NTM: variants seen among roughly 807,000 people sequenced by gnomAD.
NTM encodes the protein IgLON family member 2.
NTM carries 13 observed loss-of-function variants against 42.1 expected under a neutral mutation model. The ratio of observed to expected loss-of-function variants is 0.31; its 90% CI spans 0.20 to 0.49. NTM has a LOEUF of 0.49. Ranked by LOEUF, NTM falls within the 20% of genes least tolerant of loss-of-function variation. The pLI is 0.99. For synonymous variants in NTM, 187 were observed against 179.2 expected (o/e 1.04, Z -0.35); for missense variants, 373 against 452.8 (o/e 0.82, Z 1.60).
At chr11:131,744,164 T>A (rs575257206) in intron 1 of NTM, among the ~76,000 whole-genome samples, 1 of 152,324 alleles carries the variant, frequency 6.6e-6, no homozygotes, top group South Asian at 2.1e-4. Context: ...TAATTATTCC[T>A]AATTTTAAGG....
chr11:132,031,421 A>G (rs926636078), intron 2 of NTM, among the ~76,000 whole-genome samples: 8 of 152,098 alleles, frequency 5.3e-5, no homozygotes, highest in Non-Finnish European at 1.2e-4. Context: ...ATGAGAGGGG[A>G]TAGTGGCTTT....
intron 3 of NTM, among the ~76,000 whole-genome samples, chr11:132,181,522 A>G (rs1003170777): frequency 3.3e-5 from 5 of 152,190 alleles, no homozygotes; most frequent in South Asian, 2.1e-4. Flanking sequence ...GTTTCAATCA[A>G]TGGGGATTGA....
intron 1 of NTM, among the ~76,000 whole-genome samples, chr11:131,684,722 C>T (rs1369135288): frequency 6.6e-6 from 1 of 152,214 alleles, no homozygotes; most frequent in Admixed American, 6.5e-5. Context: ...TCCTGCATTC[C>T]TAGAGAGCAG....
chr11:132,316,237 GA>G (rs1315617743), intron 7 of NTM, among the ~76,000 whole-genome samples: 1 of 152,060 alleles, frequency 6.6e-6, no homozygotes, highest in East Asian at 1.9e-4. Flanking sequence ...CTCAGGATGA[GA>G]ATAGGGAGAA....
intron 1 of NTM, among the ~76,000 whole-genome samples, chr11:131,870,786 C>T (rs976512749): frequency 2.6e-5 from 4 of 152,154 alleles, no homozygotes; most frequent in Non-Finnish European, 4.4e-5. Context: ...TAAGAAATAA[C>T]CCACATGTAC....
chr11:131,783,999 A>G (rs2088665633), intron 1 of NTM, among the ~76,000 whole-genome samples: 1 of 152,202 alleles, frequency 6.6e-6, no homozygotes, highest in African/African-American at 2.4e-5. Context: ...ACTTCACCAA[A>G]GGCCAATGAG....
chr11:132,168,108 T>C (rs2075559610), intron 3 of NTM, among the ~76,000 whole-genome samples: 3 of 152,222 alleles, frequency 2.0e-5, no homozygotes, highest in Admixed American at 2.0e-4. Flanking sequence ...ATTAATCAGT[T>C]GGTGGCAATT....
intron 1 of NTM, among the ~76,000 whole-genome samples, chr11:131,658,554 G>A (rs376157615): frequency 3.9e-5 from 6 of 152,150 alleles, no homozygotes; most frequent in Non-Finnish European, 7.3e-5. Context: ...AGACGAGGAC[G>A]GCATGCCTTG....
At chr11:131,989,945 T>C (rs1593457636) in intron 2 of NTM, among the ~76,000 whole-genome samples, 1 of 152,120 alleles carries the variant, frequency 6.6e-6, no homozygotes, top group African/African-American at 2.4e-5. Context: ...CTGATGTCAG[T>C]GGGGATAGTA....
At chr11:131,551,526 C>A (rs115137801) in intron 1 of NTM, among the ~76,000 whole-genome samples, 1,524 of 152,128 alleles carry the variant, frequency 0.01, 29 homozygotes, top group African/African-American at 0.035. Flanking sequence ...AGCCTTGCAG[C>A]TGAAAACCCA....
At chr11:131,802,275 G>A (rs1444499136) in intron 1 of NTM, among the ~76,000 whole-genome samples, 1 of 152,104 alleles carries the variant, frequency 6.6e-6, no homozygotes, top group East Asian at 1.9e-4. Flanking sequence ...CTTTTCTCTT[G>A]GATTCCTTTC....
rs549136459 is a variant in NTM at position 131,676,637 on chromosome 11, G to A, written c.83-234927G>A. On this transcript the variant is annotated intron_variant, in intron 1 of 8. Transcript: ENST00000683400. The stretch of plus-strand genomic sequence containing the variant: ...TAAATGTTTTAACATGGGCCTTCAG[G>A]CACCACAATTAGCCATTGGAGAGAC... 2.0e-5 allele frequency among the ~76,000 whole-genome samples: 3 copies of A among 152,300 alleles called. No individual in the cohort carries two copies. In the East Asian group the frequency reaches 5.8e-4, roughly 29 times the overall value.
intron 1 of NTM, among the ~76,000 whole-genome samples, chr11:131,850,120 A>G (rs2136803596): frequency 6.6e-6 from 1 of 151,826 alleles, no homozygotes; most frequent in Admixed American, 6.6e-5. Context: ...GTGTAGATGT[A>G]AACACTTAAT....
At chr11:131,788,548 G>T (rs1268980936) in intron 1 of NTM, among the ~76,000 whole-genome samples, 2 of 151,656 alleles carry the variant, frequency 1.3e-5, no homozygotes, top group African/African-American at 4.9e-5. Context: ...ATAGTCTTCC[G>T]TGCTGACACA....
chr11:131,869,635 G>A lies in NTM; in HGVS notation c.83-41929G>A, dbSNP rs2047573355. ...TCTCATTTTATTTTATTCTTAGGAG[G>A]ATGATAGACTTTTAGAAACAGAAGG... On this transcript the variant is annotated intron_variant, in intron 1 of 8. Transcript: ENST00000683400. Among the ~76,000 whole-genome samples, 3 of 152,176 alleles carry A rather than the reference G, an allele frequency of 2.0e-5. No individual in the cohort carries two copies. The South Asian group carries it at 6.2e-4, about 32-fold the overall frequency.
intron 2 of NTM, among the ~76,000 whole-genome samples, chr11:131,920,695 G>C (rs533620590): frequency 6.4e-4 from 97 of 152,268 alleles, no homozygotes; most frequent in African/African-American, 2.2e-3. Context: ...TGGGGGGTTA[G>C]ATTTGTCTTA....
At chr11:131,689,527 A>G (rs1036193811) in intron 1 of NTM, among the ~76,000 whole-genome samples, 1 of 152,234 alleles carries the variant, frequency 6.6e-6, no homozygotes, top group Non-Finnish European at 1.5e-5. Flanking sequence ...ATCCCCTGGA[A>G]TTCAGTTTCC....
At chr11:131,500,109 C>G (rs182519145) in intron 1 of NTM, among the ~76,000 whole-genome samples, 1 of 152,300 alleles carries the variant, frequency 6.6e-6, no homozygotes, top group South Asian at 2.1e-4. Flanking sequence ...CTCACTCCCA[C>G]GTGACATCAG....
chr11:132,054,706 A>T (rs1018554697), intron 2 of NTM, among the ~76,000 whole-genome samples: 1 of 152,202 alleles, frequency 6.6e-6, no homozygotes, highest in Non-Finnish European at 1.5e-5. Context: ...GCAGCAGGGG[A>T]TATACTAACT....
Sources: gnomAD v4.1 joint callset for allele counts (sites outside exome capture counted in the v4.1 genomes callset) on GRCh38, gnomAD v4.1.1 for gene constraint, MANE v1.5 for transcripts, NCBI Gene and HGNC (gene_info 2026-07-23, HGNC 2026-07-21) for gene names.